KLHL14: variants seen among roughly 807,000 people sequenced by gnomAD.
KLHL14 encodes the protein kelch-like protein 14.
In KLHL14, 22 loss-of-function variants were observed where a neutral mutation model predicts 64.3. The ratio of observed to expected loss-of-function variants is 0.34; its 90% CI spans 0.24 to 0.49. KLHL14 has a LOEUF of 0.49. Ranked by LOEUF, KLHL14 falls within the 20% of genes least tolerant of loss-of-function variation. The pLI is 0.99. For synonymous variants in KLHL14, 322 were observed against 333.4 expected (o/e 0.97, Z 0.37); for missense variants, 661 against 789.0 (o/e 0.84, Z 1.94).
chr18:32,731,960 C>A (rs1319453991), intron 3 of KLHL14, among the ~76,000 whole-genome samples: 1 of 152,142 alleles, frequency 6.6e-6, no homozygotes, highest in Non-Finnish European at 1.5e-5. Flanking sequence ...GTGGCTTACA[C>A]CTGTAATCCC....
chr18:32,697,513 C>A (rs752355084), intron 3 of KLHL14, among the ~76,000 whole-genome samples: 3 of 152,156 alleles, frequency 2.0e-5, no homozygotes, highest in Non-Finnish European at 4.4e-5. Flanking sequence ...TCAAATATTT[C>A]TTTTAAACTT....
intron 4 of KLHL14, among the ~76,000 whole-genome samples, chr18:32,692,506 G>T (rs1046056348): frequency 1.3e-5 from 2 of 152,152 alleles, no homozygotes; most frequent in African/African-American, 4.8e-5. Context: ...ATTGCATGAG[G>T]TATTATAATA....
intron 3 of KLHL14, among the ~76,000 whole-genome samples, chr18:32,726,066 A>G (rs6506984): frequency 0.29 from 44,863 of 152,176 alleles, 6,879 homozygotes; most frequent in African/African-American, 0.37. Context: ...TGAAGTAGTC[A>G]TGACCTTAGA....
chr18:32,752,722 T>TA (rs942582643), intron 2 of KLHL14, among the ~76,000 whole-genome samples: 1 of 151,798 alleles, frequency 6.6e-6, no homozygotes, highest in African/African-American at 2.4e-5. Flanking sequence ...ACTGCTCACT[T>TA]AAAAAAATGC....
chr18:32,742,198 A>AT, intron 2 of KLHL14, 149 bp from the exon 3 acceptor site: 2 of 882,346 alleles, frequency 2.3e-6, no homozygotes, highest in Non-Finnish European at 1.7e-6. Flanking sequence ...TGTCTCAACA[A>AT]TTTTTTTGAA....
At chr18:32,747,460 G>A (rs955799837) in intron 2 of KLHL14, among the ~76,000 whole-genome samples, 1 of 152,134 alleles carries the variant, frequency 6.6e-6, no homozygotes, top group Admixed American at 6.5e-5. Context: ...CACATCATCA[G>A]GTATTAGATT....
chr18:32,684,194 CAA>C (rs1262010186), intron 5 of KLHL14, among the ~76,000 whole-genome samples: 1 of 152,114 alleles, frequency 6.6e-6, no homozygotes, highest in Admixed American at 6.5e-5. Flanking sequence ...AATCTGAGAG[CAA>C]AACAATTCAT....
At chr18:32,704,410 A>C (rs1156236084) in intron 3 of KLHL14, among the ~76,000 whole-genome samples, 2 of 152,182 alleles carry the variant, frequency 1.3e-5, no homozygotes, top group African/African-American at 4.8e-5. Context: ...CCTACAAGGT[A>C]TCAGAAGGTC....
At chr18:32,698,266 C>T (rs2049946203) in intron 3 of KLHL14, among the ~76,000 whole-genome samples, 1 of 152,128 alleles carries the variant, frequency 6.6e-6, no homozygotes, top group Non-Finnish European at 1.5e-5. Context: ...CAGAGGTGGA[C>T]AAGTGCCTCG....
At chr18:32,727,213 G>C (rs552397542) in intron 3 of KLHL14, among the ~76,000 whole-genome samples, 1 of 152,172 alleles carries the variant, frequency 6.6e-6, no homozygotes, top group Non-Finnish European at 1.5e-5. Context: ...TTTAAACAAA[G>C]TATGGGAAAC....
At chr18:32,739,113 T>C (rs1004866441) in intron 3 of KLHL14, among the ~76,000 whole-genome samples, 2 of 152,044 alleles carry the variant, frequency 1.3e-5, no homozygotes, top group Non-Finnish European at 2.9e-5. Flanking sequence ...GCTAGTTAGT[T>C]TGCATGGAGA....
At position 32,718,323 on chromosome 18, in the gene KLHL14, C is replaced by T. The variant is rs76616297; in HGVS notation, c.1070-22771G>A. Among the ~76,000 whole-genome samples, 326 of 152,290 alleles carry T rather than the reference C, an allele frequency of 2.1e-3. 1 individual carries two copies. The highest frequency in any genetic ancestry group is 7.3e-3 in the African/African-American group (303 of 41,572). On this transcript the variant is annotated intron_variant, in intron 3 of 8. Coordinates refer to ENST00000359358, the MANE Select transcript of KLHL14 (RefSeq NM_020805.3). ...TGAGCAATTTCCTGAATTTAAAATG[C>T]AATGTCATATTCTGCCCTGTTTACA...
intron 4 of KLHL14, among the ~76,000 whole-genome samples, chr18:32,691,010 T>C (rs1248393896): frequency 6.6e-6 from 1 of 152,180 alleles, no homozygotes; most frequent in African/African-American, 2.4e-5. Flanking sequence ...CTAGAGCTGG[T>C]TAATAAGTGA....
intron 3 of KLHL14, among the ~76,000 whole-genome samples, chr18:32,713,400 C>T (rs2050030113): frequency 6.6e-6 from 1 of 152,180 alleles, no homozygotes; most frequent in African/African-American, 2.4e-5. Flanking sequence ...TTGGGCTCAT[C>T]CTGACTCCTC....
intron 2 of KLHL14, among the ~76,000 whole-genome samples, chr18:32,758,159 A>C (rs1239642081): frequency 6.6e-6 from 1 of 151,548 alleles, no homozygotes; most frequent in South Asian, 2.1e-4. Context: ...GTCTCGCTCT[A>C]TTGCCCAGGC....
Position 32,770,627 on chromosome 18 carries a change from C to T in KLHL14, c.-36G>A. The T allele has an allele frequency of 6.7e-7, 1 of 1,496,572 alleles. No homozygotes were observed. The highest frequency in any genetic ancestry group is 8.9e-7 in the Non-Finnish European group (1 of 1,124,394). 92.7% of individuals were successfully genotyped at this position (1,496,572 alleles called of 1,614,324 possible). On this transcript the variant is annotated 5_prime_UTR_variant, in exon 2 of 9. Coordinates refer to ENST00000359358, the MANE Select transcript of KLHL14 (RefSeq NM_020805.3). The surrounding 1 kb of genome is among the most constrained non-coding windows in gnomAD (Gnocchi z 6.7). ...CTCGGTGCACCTGGCTTTAAACCCTCCTCCAACCTGGCAGACAGGGGTGGG... is the reference window on the plus strand; with the variant it reads ...CTCGGTGCACCTGGCTTTAAACCCTTCTCCAACCTGGCAGACAGGGGTGGG...
intron 3 of KLHL14, among the ~76,000 whole-genome samples, chr18:32,726,993 G>T (rs1479668783): frequency 6.6e-6 from 1 of 152,202 alleles, no homozygotes; most frequent in African/African-American, 2.4e-5. Flanking sequence ...TGAGGGGCAA[G>T]CTGGTTGGGG....
At chr18:32,747,819 A>C (rs1361041684) in intron 2 of KLHL14, among the ~76,000 whole-genome samples, 1 of 152,218 alleles carries the variant, frequency 6.6e-6, no homozygotes, top group Non-Finnish European at 1.5e-5. Flanking sequence ...TTAAAAAAAC[A>C]AGTGTTTTCA....
At chr18:32,682,464 T>G (rs573885138) in intron 5 of KLHL14, among the ~76,000 whole-genome samples, 1 of 152,248 alleles carries the variant, frequency 6.6e-6, no homozygotes, top group South Asian at 2.1e-4. Context: ...TTCTGTGGGG[T>G]CCGTGAGCCT....
Sources: gnomAD v4.1 joint callset for allele counts (sites outside exome capture counted in the v4.1 genomes callset) on GRCh38, gnomAD v4.1.1 for gene constraint, Gnocchi (gnomAD v3.1) non-coding constraint, MANE v1.5 for transcripts, NCBI Gene and HGNC (gene_info 2026-07-23, HGNC 2026-07-21) for gene names.